DYDC2: variants seen among roughly 807,000 people sequenced by gnomAD.
DYDC2 encodes the protein DPY30 domain-containing protein 2.
DYDC2 carries 19 observed loss-of-function variants against 18.7 expected under a neutral mutation model. The observed-to-expected ratio is 1.02, with a 90% CI of 0.71 to 1.49. The LOEUF (loss-of-function observed/expected upper bound fraction) is 1.49, where lower values mean the gene tolerates loss of function less well. Ranked by LOEUF, DYDC2 falls within the 40% of genes most tolerant of loss-of-function variation. DYDC2 has a pLI of 0.00. For missense variants in DYDC2, 179 were observed against 205.1 expected (o/e 0.87, Z 0.78); for synonymous variants, 63 against 67.6 (o/e 0.93, Z 0.34).
At chr10:80,358,847 T>G (rs1377859075) in intron 2 of DYDC2, among the ~76,000 whole-genome samples, 1 of 152,172 alleles carries the variant, frequency 6.6e-6, no homozygotes, top group Non-Finnish European at 1.5e-5. Context: ...AGGCGGCGTG[T>G]CCAGAGTTCG....
intron 1 of DYDC2, among the ~76,000 whole-genome samples, chr10:80,357,491 G>A (rs1232403336): frequency 5.3e-5 from 8 of 152,124 alleles, no homozygotes; most frequent in Admixed American, 2.0e-4. Flanking sequence ...AACCAGGAAG[G>A]GCAGCCAATC....
rs762006310 is a variant in DYDC2, at chr10:80,366,888, C to G, written c.471C>G (p.Tyr157Ter). 7 of 1,613,970 alleles carry G rather than the reference C, an allele frequency of 4.3e-6. No individual in the cohort carries two copies. Among genetic ancestry groups the G allele is most frequent in the Non-Finnish European group, 5.9e-6 (7 of 1,179,992 alleles). ...QNFKMPQEIN[Y>*]KEAFQHEVAH... ...TCAAAATGCCACAAGAAATAAATTA[C>G]AAGGAGGCTTTTCAGCATGAAGTTG... Residue 157 changes from tyrosine (Y) to a stop codon, truncating the protein, a stop_gained, in exon 5 of 5, where the codon TAC (tyrosine) becomes TAG (stop). Coordinates refer to ENST00000256039, the MANE Select transcript of DYDC2 (RefSeq NM_032372.6). LOFTEE classifies it high-confidence loss of function.
At position 80,367,727 on chromosome 10, in the gene DYDC2, G is replaced by T. The variant is rs1320606466; in HGVS notation, c.*776G>T. ...CCGAGTATTTTTTACACATATCCTG[G>T]AGTCTACCTATGTCACTGATAGCAG... On this transcript the variant is annotated 3_prime_UTR_variant, in exon 5 of 5. Transcript: ENST00000256039. The T allele has an allele frequency of 6.6e-6, 1 of 152,016 alleles. No homozygotes were observed. Among genetic ancestry groups the T allele is most frequent in the African/African-American group, 2.4e-5 (1 of 41,368 alleles). The allele number at this position is 152,016 out of a possible 1,614,324, so 9.4% of individuals were successfully genotyped here.
chr10:80,359,773 G>T (rs945451321), intron 2 of DYDC2, among the ~76,000 whole-genome samples: 1 of 152,190 alleles, frequency 6.6e-6, no homozygotes, highest in Non-Finnish European at 1.5e-5. Flanking sequence ...AGTGCTGGCC[G>T]GCTGATCCGA....
chr10:80,345,384 C>T (rs1386591844), intron 1 of DYDC2, among the ~76,000 whole-genome samples: 1 of 152,116 alleles, frequency 6.6e-6, no homozygotes, highest in African/African-American at 2.4e-5. Flanking sequence ...CACAGGTAAG[C>T]AATTTCAATA....
intron 1 of DYDC2, among the ~76,000 whole-genome samples, chr10:80,345,996 C>T (rs1377991184): frequency 6.6e-6 from 1 of 152,140 alleles, no homozygotes; most frequent in African/African-American, 2.4e-5. Context: ...TGCATGCCAT[C>T]ATCATCATGC....
At chr10:80,344,847 G>A in intron 1 of DYDC2, 1 of 200,948 alleles carries the variant, frequency 5.0e-6, no homozygotes, top group South Asian at 7.9e-5. Context: ...TTTCTTCCCA[G>A]TGTTGGGTAT....
chr10:80,363,845 A>T (rs889589847), intron 4 of DYDC2, among the ~76,000 whole-genome samples: 1 of 152,224 alleles, frequency 6.6e-6, no homozygotes, highest in Non-Finnish European at 1.5e-5. Flanking sequence ...GAAACTTCAG[A>T]TGCCTCCTCT....
chr10:80,355,224 C>T (rs987347430), upstream of DYDC2, among the ~76,000 whole-genome samples: 1 of 151,844 alleles, frequency 6.6e-6, no homozygotes, highest in African/African-American at 2.4e-5. Flanking sequence ...TAAACTTGTC[C>T]CTGGACAAAT....
At chr10:80,355,237 A>G (rs1843289839), upstream of DYDC2, among the ~76,000 whole-genome samples, 2 of 152,030 alleles carry the variant, frequency 1.3e-5, no homozygotes, top group South Asian at 4.2e-4. Context: ...GGACAAATGC[A>G]TCTAGCATTT....
At chr10:80,362,648 C>A in intron 3 of DYDC2, 58 bp downstream of exon 3, 1 of 1,541,774 alleles carries the variant, frequency 6.5e-7, no homozygotes, top group South Asian at 1.3e-5. Flanking sequence ...AATTTGAAAG[C>A]CAAGACACAA....
chr10:80,362,450 A>T lies in DYDC2; in HGVS notation c.7A>T (p.Thr3Ser), dbSNP rs563403893. Residue 3 changes from threonine (T) to serine (S), a missense_variant, in exon 3 of 5, where the codon ACT becomes TCT. Thr to Ser is a moderately conservative substitution (Grantham distance 58). Transcript: ENST00000256039. ME[T>S]NYLKRCFGNC... ...TGTTTTCCAGGCTGCCAGGATGGAA[A>T]CTAACTACCTGAAGAGGTGCTTTGG... The T allele has an allele frequency of 3.1e-6, 5 of 1,612,384 alleles. No individual in the cohort carries two copies. The African/African-American group carries it at 6.7e-5, about 22-fold the overall frequency.
intron 1 of DYDC2, among the ~76,000 whole-genome samples, chr10:80,345,986 T>A (rs888422121): frequency 5.9e-5 from 9 of 152,226 alleles, no homozygotes; most frequent in African/African-American, 2.2e-4. Context: ...GGACCACAGG[T>A]GCATGCCATC....
chr10:80,366,125 C>T (rs1391550288), intron 4 of DYDC2, among the ~76,000 whole-genome samples: 1 of 104,642 alleles, frequency 9.6e-6, no homozygotes, highest in Non-Finnish European at 1.9e-5. Flanking sequence ...CTCTGCCTCC[C>T]CGGTTCAAGT....
intron 1 of DYDC2, among the ~76,000 whole-genome samples, chr10:80,346,634 G>A (rs1242821327): frequency 1.3e-5 from 2 of 150,412 alleles, no homozygotes; most frequent in African/African-American, 4.9e-5. Context: ...CTAATTTTTT[G>A]TATTTTTAGT....
At chr10:80,352,731 C>T (rs1484450679), upstream of DYDC2, 8 of 1,242,152 alleles carry the variant, frequency 6.4e-6, no homozygotes, top group East Asian at 2.1e-4. Context: ...GGACACCTCC[C>T]ATTGGGGGTG....
chr10:80,356,386 C>A (rs1843368766), upstream of DYDC2: 4 of 985,638 alleles, frequency 4.1e-6, no homozygotes, highest in South Asian at 1.4e-4. Context: ...AGCCAGCCAG[C>A]CAACTGGGCG....
In DYDC2 at chr10:80,348,864, A is replaced by G. The variant is rs114164897; in HGVS notation, c.-310+4049A>G. On this transcript the variant is annotated intron_variant, in intron 1 of 4. Transcript: ENST00000372197. Reference sequence around the variant, plus strand: ...AGACATTTTCAAGGATGAAATGCATAAAACCTCATTACAGATCAGCATTAG... The same window carrying G: ...AGACATTTTCAAGGATGAAATGCATGAAACCTCATTACAGATCAGCATTAG... 9.3e-3 allele frequency among the ~76,000 whole-genome samples: 1,410 copies of G among 152,336 alleles called. 23 individuals are homozygous for G. Among genetic ancestry groups the G allele is most frequent in the African/African-American group, 0.032 (1,340 of 41,576 alleles).
At chr10:80,345,492 T>A (rs984378569) in intron 1 of DYDC2, among the ~76,000 whole-genome samples, 2 of 152,180 alleles carry the variant, frequency 1.3e-5, no homozygotes, top group Non-Finnish European at 2.9e-5. Flanking sequence ...TTGGCTATCA[T>A]CCTCATGCTG....
Sources: allele counts gnomAD v4.1 joint callset (sites outside exome capture counted in the v4.1 genomes callset), GRCh38; gene constraint gnomAD v4.1.1; transcripts MANE v1.5; gene names NCBI Gene and HGNC (gene_info 2026-07-23, HGNC 2026-07-21).